HIPK2: variants seen among roughly 807,000 people sequenced by gnomAD.
HIPK2 encodes homeodomain interacting protein kinase 2, also known as homeodomain-interacting protein kinase 2.
Under a neutral mutation model 113.7 loss-of-function variants are expected in HIPK2, and 27 were observed. That is an observed-to-expected ratio of 0.24 (90% CI 0.17 to 0.33). The LOEUF (loss-of-function observed/expected upper bound fraction) is 0.33. Ranked by LOEUF, HIPK2 falls within the 10% of genes least tolerant of loss-of-function variation. The probability of loss-of-function intolerance (pLI) is 1.00; values close to 1 mark genes in which losing one functional copy is unlikely to be tolerated. For missense variants in HIPK2, 1,257 were observed against 1,588.0 expected, an observed-to-expected ratio of 0.79 and a Z score of 3.54; for synonymous variants, 631 against 642.2, an observed-to-expected ratio of 0.98 and a Z score of 0.26.
chr7:139,771,180 G>A (rs984051631), intron 1 of HIPK2, among the ~76,000 whole-genome samples: 14 of 152,040 alleles, frequency 9.2e-5, no homozygotes, highest in African/African-American at 1.2e-4. Flanking sequence ...AATCTATAAC[G>A]AATTTGACAA....
chr7:139,729,554 C>T (rs1021685614), intron 1 of HIPK2, among the ~76,000 whole-genome samples: 2 of 152,154 alleles, frequency 1.3e-5, no homozygotes, highest in Non-Finnish European at 2.9e-5. Flanking sequence ...GGAGGAGCCC[C>T]GGCTTGGTTC....
intron 14 of HIPK2, among the ~76,000 whole-genome samples, chr7:139,574,657 C>T (rs1158905607): frequency 6.6e-6 from 1 of 152,252 alleles, no homozygotes; most frequent in Non-Finnish European, 1.5e-5. Context: ...AGGTCACTCA[C>T]ATTTCACCTC....
At chr7:139,696,752 C>T (rs1794579764) in intron 2 of HIPK2, among the ~76,000 whole-genome samples, 1 of 152,072 alleles carries the variant, frequency 6.6e-6, no homozygotes, top group African/African-American at 2.4e-5. Context: ...GGGGAAGAGT[C>T]ACACAGGCTG....
intron 1 of HIPK2, among the ~76,000 whole-genome samples, chr7:139,774,041 G>C (rs1248437818): frequency 6.6e-6 from 1 of 152,198 alleles, no homozygotes; most frequent in African/African-American, 2.4e-5. Context: ...AGGTCACAGA[G>C]GGAGTAAAAA....
At chr7:139,603,258 C>T (rs779713184) in intron 10 of HIPK2, among the ~76,000 whole-genome samples, 2 of 152,022 alleles carry the variant, frequency 1.3e-5, no homozygotes, top group African/African-American at 2.4e-5. Flanking sequence ...TCCTGATATT[C>T]GTGCAGAATG....
chr7:139,672,077 A>G (rs1318345346), intron 2 of HIPK2, among the ~76,000 whole-genome samples: 1 of 55,518 alleles, frequency 1.8e-5, no homozygotes, highest in Non-Finnish European at 3.2e-5. Context: ...TTATGTCTAT[A>G]GCTTACTCAT....
intron 9 of HIPK2, among the ~76,000 whole-genome samples, chr7:139,606,008 A>G (rs1253307193): frequency 1.3e-5 from 2 of 152,256 alleles, no homozygotes; most frequent in Admixed American, 6.5e-5. Flanking sequence ...CATTTAAAAA[A>G]TAAATCTTGA....
chr7:139,575,033 G>T (rs997479520), intron 14 of HIPK2, 95 bp downstream of exon 14: 130 of 1,446,230 alleles, frequency 9.0e-5, no homozygotes, highest in Non-Finnish European at 1.2e-4. Context: ...AGCCCTGTGA[G>T]GTGGGTGAGG....
chr7:139,620,045 G>C (rs150898404), intron 7 of HIPK2, among the ~76,000 whole-genome samples: 3 of 152,286 alleles, frequency 2.0e-5, no homozygotes, highest in African/African-American at 7.2e-5. Flanking sequence ...TTATAGGCAT[G>C]AGCCACTGTG....
At chr7:139,592,512 G>A (rs1382418445) in intron 12 of HIPK2, among the ~76,000 whole-genome samples, 3 of 152,216 alleles carry the variant, frequency 2.0e-5, no homozygotes, top group Non-Finnish European at 4.4e-5. Context: ...CAAGGCAGGA[G>A]AACTGCTTGA....
chr7:139,586,690 T>C (rs978727734), intron 12 of HIPK2, among the ~76,000 whole-genome samples: 10 of 151,552 alleles, frequency 6.6e-5, no homozygotes, highest in Non-Finnish European at 1.2e-4. Flanking sequence ...GCCCAGGAGT[T>C]TGAGGCTGCA....
intron 12 of HIPK2, among the ~76,000 whole-genome samples, chr7:139,588,330 GC>G (rs936362360): frequency 2.0e-5 from 3 of 149,474 alleles, no homozygotes; most frequent in Admixed American, 2.0e-4. Context: ...CACCGCGCTG[GC>G]CCCCTGCTGA....
intron 2 of HIPK2, among the ~76,000 whole-genome samples, chr7:139,658,934 A>G (rs1801766844): frequency 6.6e-6 from 1 of 152,212 alleles, no homozygotes. Flanking sequence ...TACCACTCTC[A>G]GTGGCCAGGA....
intron 2 of HIPK2, among the ~76,000 whole-genome samples, chr7:139,696,967 T>C (rs1255229128): frequency 2.0e-5 from 3 of 152,198 alleles, no homozygotes; most frequent in South Asian, 2.1e-4. Context: ...GAAAGTTAAG[T>C]AACTTGCCAA....
chr7:139,598,092 CAT>C (rs979697685), intron 11 of HIPK2, among the ~76,000 whole-genome samples: 130 of 152,298 alleles, frequency 8.5e-4, no homozygotes, highest in African/African-American at 3.0e-3. Context: ...ACTGAGACCA[CAT>C]GTCAGGTGTG....
intron 2 of HIPK2, among the ~76,000 whole-genome samples, chr7:139,699,549 G>A (rs1794651189): frequency 6.6e-6 from 1 of 152,214 alleles, no homozygotes; most frequent in South Asian, 2.1e-4. Context: ...AGGAGCAGGA[G>A]AGTGTAAGCC....
At chr7:139,644,229 C>A (rs900504264) in intron 2 of HIPK2, among the ~76,000 whole-genome samples, 4 of 151,930 alleles carry the variant, frequency 2.6e-5, no homozygotes, top group Admixed American at 6.6e-5. Context: ...AAAACGTATA[C>A]CTTAACAACT....
chr7:139,607,613 A>G (rs1378704073), intron 9 of HIPK2, among the ~76,000 whole-genome samples: 1 of 152,204 alleles, frequency 6.6e-6, no homozygotes, highest in Non-Finnish European at 1.5e-5. Context: ...AAAAACAAAA[A>G]GATGTGTTAG....
rs891894184 is a variant in HIPK2, at chr7:139,628,835, T to C, written c.1434+118A>G. ...TGGCTGTAACTATTTAAGGTCAAGGTCAACCACTGCAGTTGAATAATGTGG... is the reference window on the plus strand; with the variant it reads ...TGGCTGTAACTATTTAAGGTCAAGGCCAACCACTGCAGTTGAATAATGTGG... On this transcript the variant is annotated intron_variant, in intron 5 of 14. Transcript: ENST00000406875. The C allele has an allele frequency of 9.6e-6, 8 of 834,236 alleles. No homozygotes were observed. In the Admixed American group the frequency reaches 2.0e-4, roughly 21 times the overall value. The allele number at this position is 834,236 out of a possible 1,614,324, so 51.7% of individuals were successfully genotyped here.
Sources: allele counts gnomAD v4.1 joint callset (sites outside exome capture counted in the v4.1 genomes callset), GRCh38; gene constraint gnomAD v4.1.1; transcripts MANE v1.5; gene names NCBI Gene and HGNC (gene_info 2026-07-23, HGNC 2026-07-21).